GABRB2: variants seen among roughly 807,000 people sequenced by gnomAD.
GABRB2 encodes gamma-aminobutyric acid type A receptor subunit beta2.
In GABRB2, 16 loss-of-function variants were observed where a neutral mutation model predicts 54.7. The observed-to-expected ratio is 0.29, with a 90% CI of 0.20 to 0.44. The LOEUF is 0.44. Ranked by LOEUF, GABRB2 falls within the 20% of genes least tolerant of loss-of-function variation. GABRB2 has a pLI of 1.00. For missense variants in GABRB2, 355 were observed against 644.0 expected (o/e 0.55, Z 4.86); for synonymous variants, 244 against 233.8 (o/e 1.04, Z -0.40).
intron 5 of GABRB2, among the ~76,000 whole-genome samples, chr5:161,347,986 C>T (rs1754367470): frequency 1.3e-5 from 2 of 152,136 alleles, no homozygotes; most frequent in South Asian, 4.1e-4. Flanking sequence ...TATGACATAA[C>T]ACAAATCAGA....
At chr5:161,479,610 G>A (rs1415768252) in intron 3 of GABRB2, among the ~76,000 whole-genome samples, 4 of 146,654 alleles carry the variant, frequency 2.7e-5, no homozygotes, top group Non-Finnish European at 4.5e-5. Context: ...TTTTGAGGTG[G>A]AGTCTCACTC....
intron 5 of GABRB2, among the ~76,000 whole-genome samples, chr5:161,369,399 G>T (rs1255318576): frequency 4.6e-5 from 7 of 152,140 alleles, no homozygotes. Context: ...ATATAGTGCA[G>T]ATTTCTCAAA....
intron 3 of GABRB2, among the ~76,000 whole-genome samples, chr5:161,534,323 A>G (rs1308440077): frequency 6.6e-6 from 1 of 152,214 alleles, no homozygotes; most frequent in Non-Finnish European, 1.5e-5. Context: ...TCCAAATTCC[A>G]ATATAGCCAA....
intron 5 of GABRB2, among the ~76,000 whole-genome samples, chr5:161,345,275 GA>G (rs1379697715): frequency 1.3e-5 from 2 of 151,362 alleles, no homozygotes; most frequent in Non-Finnish European, 2.9e-5. Flanking sequence ...TTTAAAAGAT[GA>G]AAAAAAGTTG....
chr5:161,514,909 A>C (rs924364275), intron 3 of GABRB2, among the ~76,000 whole-genome samples: 18 of 152,190 alleles, frequency 1.2e-4, no homozygotes, highest in African/African-American at 3.9e-4. Flanking sequence ...TTACTCTCAT[A>C]ATTGTTAATG....
chr5:161,308,618 T>G (rs1367409584), intron 9 of GABRB2, among the ~76,000 whole-genome samples: 1 of 152,154 alleles, frequency 6.6e-6, no homozygotes, highest in Non-Finnish European at 1.5e-5. Context: ...AATTATGCTG[T>G]AGGGCTACAG....
At chr5:161,340,166 G>A (rs191394151) in intron 5 of GABRB2, among the ~76,000 whole-genome samples, 113 of 152,014 alleles carry the variant, frequency 7.4e-4, no homozygotes, top group African/African-American at 2.4e-3. Flanking sequence ...AGAGGAATGC[G>A]AATGTCTATA....
At chr5:161,412,651 C>T (rs1756553420) in intron 4 of GABRB2, among the ~76,000 whole-genome samples, 1 of 152,178 alleles carries the variant, frequency 6.6e-6, no homozygotes, top group African/African-American at 2.4e-5. Context: ...CCTTTCCTTC[C>T]TTCCCAGTAT....
intron 3 of GABRB2, among the ~76,000 whole-genome samples, chr5:161,468,835 C>T (rs1307318952): frequency 6.6e-6 from 1 of 151,534 alleles, no homozygotes; most frequent in Non-Finnish European, 1.5e-5. Context: ...GTTATATTAG[C>T]AATAAAATAA....
chr5:161,315,253 T>C (rs531245409), intron 9 of GABRB2, among the ~76,000 whole-genome samples: 1 of 152,342 alleles, frequency 6.6e-6, no homozygotes, highest in Non-Finnish European at 1.5e-5. Flanking sequence ...ATTCTTATGC[T>C]TGGAAGAAAC....
chr5:161,401,598 T>C (rs1756193868), intron 5 of GABRB2, among the ~76,000 whole-genome samples: 1 of 152,208 alleles, frequency 6.6e-6, no homozygotes, highest in Non-Finnish European at 1.5e-5. Flanking sequence ...GCCTCAAGTA[T>C]TAAATTATAT....
rs57673547 is a variant in GABRB2 at position 161,460,268 on chromosome 5, ATGTGTGTG to A, written c.238-432_238-425del. Among the ~76,000 whole-genome samples, 239 of 148,666 alleles carry A rather than the reference ATGTGTGTG, an allele frequency of 1.6e-3. 5 individuals are homozygous for A. The highest frequency in any genetic ancestry group is 0.013 in the East Asian group (63 of 5,008). ...GCCAAGAAAACAAATTTATATATAT[ATGTGTGTG>A]TGTGTGTGTGTGTGTGTGTGTGTGT... On this transcript the variant is annotated intron_variant, in intron 3 of 9. Coordinates refer to ENST00000393959, the MANE Select transcript of GABRB2 (RefSeq NM_001371727.1).
intron 3 of GABRB2, among the ~76,000 whole-genome samples, chr5:161,484,040 T>A (rs554866807): frequency 9.2e-5 from 14 of 151,830 alleles, no homozygotes; most frequent in African/African-American, 3.4e-4. Flanking sequence ...GAAAATGCCA[T>A]AAATTAAAGC....
intron 3 of GABRB2, among the ~76,000 whole-genome samples, chr5:161,506,169 A>G (rs1759599632): frequency 6.6e-6 from 1 of 152,146 alleles, no homozygotes. Context: ...CATAAACTTT[A>G]TAAAAACACT....
At chr5:161,365,206 C>A (rs1214394094) in intron 5 of GABRB2, among the ~76,000 whole-genome samples, 1 of 152,112 alleles carries the variant, frequency 6.6e-6, no homozygotes, top group Non-Finnish European at 1.5e-5. Flanking sequence ...AACATACATT[C>A]CACTTGTGCA....
At chr5:161,312,703 G>C (rs1459319031) in intron 9 of GABRB2, among the ~76,000 whole-genome samples, 3 of 152,186 alleles carry the variant, frequency 2.0e-5, no homozygotes, top group African/African-American at 7.2e-5. Flanking sequence ...AAAGTTTTGT[G>C]AGCATCGAGT....
rs1756503988 is a variant in GABRB2 at position 161,411,075 on chromosome 5, A to G, written c.459-18T>C. On this transcript the variant is annotated intron_variant, in intron 4 of 9. Coordinates refer to ENST00000393959, the MANE Select transcript of GABRB2 (RefSeq NM_001371727.1). ...TTGTGATTCTAGAAGACAAATAGCA[A>G]TGATGAGTGTTGTTAGCAGGTCTAA... 1 of 1,590,396 alleles carries G rather than the reference A, an allele frequency of 6.3e-7. No individual in the cohort carries two copies. The highest frequency in any genetic ancestry group is 8.6e-7 in the Non-Finnish European group (1 of 1,158,682).
intron 5 of GABRB2, among the ~76,000 whole-genome samples, chr5:161,359,128 G>T (rs1179264085): frequency 2.0e-5 from 3 of 151,608 alleles, no homozygotes; most frequent in Non-Finnish European, 4.4e-5. Context: ...GGCAGAGAGG[G>T]GGAAAAAACA....
At chr5:161,295,323 A>G (rs1160143045) in intron 9 of GABRB2, among the ~76,000 whole-genome samples, 1 of 152,210 alleles carries the variant, frequency 6.6e-6, no homozygotes, top group East Asian at 1.9e-4. Context: ...GGATAAATAG[A>G]TATCATGATT....
Sources: gnomAD v4.1 joint callset for allele counts (sites outside exome capture counted in the v4.1 genomes callset) on GRCh38, gnomAD v4.1.1 for gene constraint, MANE v1.5 for transcripts, NCBI Gene and HGNC (gene_info 2026-07-23, HGNC 2026-07-21) for gene names.